RBFOX1: variants seen among roughly 807,000 people sequenced by gnomAD.
The protein encoded by RBFOX1 is RNA binding protein fox-1 homolog 1.
A neutral mutation model predicts 57.7 loss-of-function variants in RBFOX1; 8 were observed. The ratio of observed to expected loss-of-function variants is 0.14; its 90% CI spans 0.08 to 0.25. The LOEUF is 0.25. Among genes scored for constraint, RBFOX1 ranks in the 10% least tolerant of loss-of-function variants. RBFOX1 has a pLI of 1.00. For synonymous variants in RBFOX1, 326 were observed against 222.4 expected (o/e 1.47, Z -4.15); for missense variants, 611 against 548.5 (o/e 1.11, Z -1.14).
At chr16:5,780,779 C>T (rs971566804) in intron 3 of RBFOX1, among the ~76,000 whole-genome samples, 6 of 152,302 alleles carry the variant, frequency 3.9e-5, no homozygotes, top group South Asian at 4.1e-4. Context: ...AAGCATGGGA[C>T]GCCTGGTTTA....
intron 1 of RBFOX1, among the ~76,000 whole-genome samples, chr16:5,347,832 A>C (rs1596603439): frequency 8.4e-6 from 1 of 119,736 alleles, no homozygotes; most frequent in Non-Finnish European, 1.7e-5. Flanking sequence ...CCACCCTTCC[A>C]CCCACCTGTC....
chr16:7,007,897 G>C (rs1168672776), intron 3 of RBFOX1, among the ~76,000 whole-genome samples: 3 of 152,180 alleles, frequency 2.0e-5, no homozygotes, highest in African/African-American at 7.2e-5. Flanking sequence ...CCTTCATGCT[G>C]TCTCCTCAAG....
At chr16:5,695,854 G>A (rs534829963) in intron 3 of RBFOX1, among the ~76,000 whole-genome samples, 1 of 152,214 alleles carries the variant, frequency 6.6e-6, no homozygotes, top group South Asian at 2.1e-4. Flanking sequence ...TTTGCTCACA[G>A]GTACTAATCA....
chr16:6,640,633 A>G (rs4444344), intron 2 of RBFOX1, among the ~76,000 whole-genome samples: 128,075 of 151,982 alleles, frequency 0.84, 54,984 homozygotes, highest in Middle Eastern at 0.98. Flanking sequence ...ATAAATAAAT[A>G]AATACTACTT....
chr16:6,351,328 G>A (rs1179553055), intron 2 of RBFOX1, among the ~76,000 whole-genome samples: 1 of 93,188 alleles, frequency 1.1e-5, no homozygotes, highest in Non-Finnish European at 1.9e-5. Flanking sequence ...TATAACGTGT[G>A]TGTGTGTGTG....
chr16:6,318,345 G>C (rs995505898), intron 2 of RBFOX1, among the ~76,000 whole-genome samples: 2 of 152,104 alleles, frequency 1.3e-5, no homozygotes, highest in African/African-American at 4.8e-5. Context: ...TTGAAAACTG[G>C]GAGGTTTTGT....
intron 11 of RBFOX1, among the ~76,000 whole-genome samples, chr16:7,644,818 T>G (rs1442488502): frequency 3.3e-5 from 5 of 152,022 alleles, no homozygotes; most frequent in Admixed American, 3.3e-4. Flanking sequence ...CTGGTAACAG[T>G]TGTGGGTGTC....
At chr16:7,470,020 T>G (rs1174918009) in intron 4 of RBFOX1, among the ~76,000 whole-genome samples, 2 of 151,432 alleles carry the variant, frequency 1.3e-5, no homozygotes, top group Non-Finnish European at 2.9e-5. Flanking sequence ...TGGGTCAGTT[T>G]TTTTTTTTTT....
intron 1 of RBFOX1, among the ~76,000 whole-genome samples, chr16:5,343,473 C>G (rs11862665): frequency 1.7e-5 from 1 of 59,700 alleles, no homozygotes; most frequent in African/African-American, 3.9e-5. Flanking sequence ...CACCACCACA[C>G]CAGGCTAATT....
chr16:6,548,666 A>T (rs1377054430), intron 2 of RBFOX1, among the ~76,000 whole-genome samples: 1 of 152,188 alleles, frequency 6.6e-6, no homozygotes, highest in Non-Finnish European at 1.5e-5. Context: ...GGTAGACTTC[A>T]GGCGCGGTTG....
intron 13 of RBFOX1, among the ~76,000 whole-genome samples, chr16:7,671,092 T>C (rs1245143122): frequency 1.3e-5 from 2 of 152,346 alleles, no homozygotes; most frequent in East Asian, 3.9e-4. Flanking sequence ...TTGAAATTAA[T>C]TTAACAAGTA....
At chr16:7,027,269 G>C (rs1200350828) in intron 3 of RBFOX1, among the ~76,000 whole-genome samples, 1 of 152,134 alleles carries the variant, frequency 6.6e-6, no homozygotes, top group African/African-American at 2.4e-5. Flanking sequence ...TGAATAGAGA[G>C]GATGAATAAT....
intron 1 of RBFOX1, among the ~76,000 whole-genome samples, chr16:6,118,510 C>A (rs115798121): frequency 0.013 from 1,995 of 152,146 alleles, 55 homozygotes; most frequent in African/African-American, 0.046. Flanking sequence ...TCTTGGATGG[C>A]GGCAGTGGCT....
intron 3 of RBFOX1, among the ~76,000 whole-genome samples, chr16:6,793,121 G>C (rs947834846): frequency 3.3e-5 from 5 of 152,016 alleles, no homozygotes; most frequent in Admixed American, 2.0e-4. Flanking sequence ...TGGTACGCCT[G>C]CTGTCACCAG....
intron 1 of RBFOX1, among the ~76,000 whole-genome samples, chr16:6,282,533 C>G (rs1262712089): frequency 6.6e-6 from 1 of 151,952 alleles, no homozygotes; most frequent in Non-Finnish European, 1.5e-5. Flanking sequence ...GCTCTCCCGC[C>G]CATTGCCCAC....
chr16:6,993,491 C>T (rs559070017), intron 3 of RBFOX1, among the ~76,000 whole-genome samples: 15 of 152,130 alleles, frequency 9.9e-5, no homozygotes, highest in Admixed American at 3.3e-4. Flanking sequence ...CATCCTGTTG[C>T]ATTGAAGAAA....
At chr16:6,846,100 T>C (rs1209816501) in intron 3 of RBFOX1, among the ~76,000 whole-genome samples, 1 of 152,056 alleles carries the variant, frequency 6.6e-6, no homozygotes, top group Non-Finnish European at 1.5e-5. Context: ...CACTAAAATA[T>C]AGGTATAGTC....
intron 1 of RBFOX1, among the ~76,000 whole-genome samples, chr16:6,032,124 C>T (rs1230476672): frequency 6.6e-6 from 1 of 152,060 alleles, no homozygotes; most frequent in East Asian, 1.9e-4. Context: ...TGTTTTTAGA[C>T]ATCCTCCTCT....
chr16:5,388,867 G>T (rs910899782), intron 1 of RBFOX1, among the ~76,000 whole-genome samples: 5 of 150,640 alleles, frequency 3.3e-5, no homozygotes, highest in African/African-American at 1.2e-4. Flanking sequence ...GTGAGTCACC[G>T]CGCCTTGCCA....
Sources: gnomAD v4.1 joint callset for allele counts (sites outside exome capture counted in the v4.1 genomes callset) on GRCh38, gnomAD v4.1.1 for gene constraint, MANE v1.5 for transcripts, NCBI Gene and HGNC (gene_info 2026-07-23, HGNC 2026-07-21) for gene names.